RSU1: variants seen among roughly 807,000 people sequenced by gnomAD.
RSU1 encodes the protein Ras suppressor protein 1.
In RSU1, 26 loss-of-function variants were observed where a neutral mutation model predicts 31.1. That is an observed-to-expected ratio of 0.84 (90% CI 0.61 to 1.16). The LOEUF is 1.16. RSU1 is among the 50% of genes most tolerant of loss of function. The pLI is 0.00. For missense variants in RSU1, 320 were observed against 339.1 expected, an observed-to-expected ratio of 0.94 and a Z score of 0.44; for synonymous variants, 164 against 136.3, an observed-to-expected ratio of 1.20 and a Z score of -1.41.
Position 16,619,594 on chromosome 10 carries a change from A to T in RSU1, c.732-26098T>A, listed in dbSNP as rs200648853. On this transcript the variant is annotated intron_variant, in intron 8 of 8. Transcript: ENST00000345264. Reference sequence around the variant, plus strand: ...GGAAGTGCCTCGTGTGTTTCCTTGAACAAAAGGTGGCAGGACAGAGCCCTC... The same window carrying T: ...GGAAGTGCCTCGTGTGTTTCCTTGATCAAAAGGTGGCAGGACAGAGCCCTC... 2.0e-5 allele frequency among the ~76,000 whole-genome samples: 3 copies of T among 152,328 alleles called. No homozygotes were observed. The East Asian group carries it at 5.8e-4, about 29-fold the overall frequency.
intron 7 of RSU1, among the ~76,000 whole-genome samples, chr10:16,735,663 G>A (rs1836610774): frequency 6.6e-6 from 1 of 152,170 alleles, no homozygotes; most frequent in African/African-American, 2.4e-5. Flanking sequence ...TACAATCATG[G>A]CAGAGGGGAA....
chr10:16,756,163 G>GATCAC (rs1837080759), intron 4 of RSU1, among the ~76,000 whole-genome samples: 1 of 152,134 alleles, frequency 6.6e-6, no homozygotes, highest in African/African-American at 2.4e-5. Context: ...CAATTAGAAT[G>GATCAC]GTGATGGCCA....
intron 4 of RSU1, among the ~76,000 whole-genome samples, chr10:16,759,252 C>A (rs1321284240): frequency 1.3e-5 from 2 of 152,112 alleles, no homozygotes; most frequent in Non-Finnish European, 2.9e-5. Context: ...GTAATCCCAG[C>A]ACTTTGGAAG....
intron 7 of RSU1, among the ~76,000 whole-genome samples, chr10:16,731,315 A>G (rs1836507235): frequency 7.2e-5 from 11 of 151,912 alleles, no homozygotes; most frequent in Admixed American, 7.2e-4. Flanking sequence ...CTGTAGTCCC[A>G]GCTACTTGGG....
chr10:16,638,634 G>A (rs1194725419), intron 8 of RSU1, among the ~76,000 whole-genome samples: 1 of 152,206 alleles, frequency 6.6e-6, no homozygotes, highest in African/African-American at 2.4e-5. Context: ...GATGCCCAGA[G>A]GCTAGCATAT....
intron 2 of RSU1, among the ~76,000 whole-genome samples, chr10:16,805,953 C>A (rs185328399): frequency 3.3e-5 from 5 of 152,226 alleles, no homozygotes; most frequent in Admixed American, 6.5e-5. Flanking sequence ...AGTATAAGCT[C>A]AGGAGGCTGG....
At chr10:16,670,261 T>C (rs1301440349) in intron 8 of RSU1, among the ~76,000 whole-genome samples, 1 of 152,206 alleles carries the variant, frequency 6.6e-6, no homozygotes, top group Non-Finnish European at 1.5e-5. Context: ...TGAAAAGAGA[T>C]AGATTTCGAC....
intron 4 of RSU1, among the ~76,000 whole-genome samples, 185 bp from the exon 5 acceptor site, chr10:16,755,174 T>A (rs1260508158): frequency 2.0e-5 from 3 of 152,166 alleles, no homozygotes; most frequent in Non-Finnish European, 4.4e-5. Flanking sequence ...TAGGTTTTAG[T>A]GCAGAGGCAT....
At chr10:16,785,441 C>CATATATATATACAA (rs1295145497) in intron 2 of RSU1, among the ~76,000 whole-genome samples, 1 of 137,582 alleles carries the variant, frequency 7.3e-6, no homozygotes, top group Non-Finnish European at 1.5e-5. Context: ...TATATATATA[C>CATATATATATACAA]ACATATATAC....
chr10:16,706,531 A>C (rs1255172998), intron 7 of RSU1, among the ~76,000 whole-genome samples: 1 of 152,130 alleles, frequency 6.6e-6, no homozygotes, highest in Non-Finnish European at 1.5e-5. Context: ...ATTTACAAAT[A>C]TTTTCTCTCA....
chr10:16,709,693 T>C (rs1835978688), intron 7 of RSU1, among the ~76,000 whole-genome samples: 1 of 152,208 alleles, frequency 6.6e-6, no homozygotes, highest in South Asian at 2.1e-4. Flanking sequence ...CCATTCTAAC[T>C]GGTGTGAGAT....
At chr10:16,597,499 T>G (rs1300223388) in intron 8 of RSU1, among the ~76,000 whole-genome samples, 2 of 152,176 alleles carry the variant, frequency 1.3e-5, no homozygotes, top group African/African-American at 4.8e-5. Context: ...TCAGCAATGT[T>G]TGCCTCCCTC....
At chr10:16,712,316 A>G (rs1836037467) in intron 7 of RSU1, among the ~76,000 whole-genome samples, 1 of 152,086 alleles carries the variant, frequency 6.6e-6, no homozygotes, top group South Asian at 2.1e-4. Flanking sequence ...TGAGACTTTA[A>G]TCCATTTATA....
intron 3 of RSU1, among the ~76,000 whole-genome samples, chr10:16,778,017 C>CA (rs1455558915): frequency 3.2e-5 from 4 of 124,208 alleles, no homozygotes; most frequent in South Asian, 4.9e-4. Flanking sequence ...AGGTCATATA[C>CA]CTTTTTTTTT....
At chr10:16,797,119 C>A (rs561912179) in intron 2 of RSU1, among the ~76,000 whole-genome samples, 1 of 152,286 alleles carries the variant, frequency 6.6e-6, no homozygotes, top group East Asian at 1.9e-4. Context: ...CAAGTCTAGG[C>A]CCTGTGACCT....
chr10:16,613,359 C>T (rs1034662634), intron 8 of RSU1, among the ~76,000 whole-genome samples: 13 of 152,316 alleles, frequency 8.5e-5, no homozygotes, highest in African/African-American at 2.2e-4. Context: ...TCCTGCCACG[C>T]CTCAGTGGTC....
chr10:16,792,054 G>T (rs1388001424), intron 2 of RSU1, among the ~76,000 whole-genome samples: 1 of 152,158 alleles, frequency 6.6e-6, no homozygotes, highest in Non-Finnish European at 1.5e-5. Context: ...CACACAAAAT[G>T]ATATGGAACT....
chr10:16,693,569 A>G (rs781369561), intron 8 of RSU1, among the ~76,000 whole-genome samples: 3 of 152,214 alleles, frequency 2.0e-5, no homozygotes, highest in African/African-American at 4.8e-5. Flanking sequence ...TAGATTCTCA[A>G]AAGTTGGTGC....
chr10:16,610,284 T>C (rs376996485), intron 8 of RSU1, among the ~76,000 whole-genome samples: 20 of 152,312 alleles, frequency 1.3e-4, no homozygotes, highest in Non-Finnish European at 1.9e-4. Flanking sequence ...ACAGCAGATA[T>C]AGACAAGCTG....
Sources: allele counts gnomAD v4.1 joint callset (sites outside exome capture counted in the v4.1 genomes callset), GRCh38; gene constraint gnomAD v4.1.1; transcripts MANE v1.5; gene names NCBI Gene and HGNC (gene_info 2026-07-23, HGNC 2026-07-21).